Variants in KITLG observed in about 807,000 individuals in gnomAD.
The protein encoded by KITLG is KIT ligand, also known as c-Kit ligand.
In KITLG, 13 loss-of-function variants were observed where a neutral mutation model predicts 34.1. The observed-to-expected ratio is 0.38, with a 90% CI of 0.25 to 0.61. The LOEUF is 0.61. KITLG is among the 20% of genes least tolerant of loss of function. The pLI is 0.60. For synonymous variants in KITLG, 110 were observed against 104.0 expected, an observed-to-expected ratio of 1.06 and a Z score of -0.35; for missense variants, 292 against 318.9, an observed-to-expected ratio of 0.92 and a Z score of 0.64.
At chr12:88,559,226 G>A (rs1871211942) in intron 1 of KITLG, among the ~76,000 whole-genome samples, 1 of 152,160 alleles carries the variant, frequency 6.6e-6, no homozygotes, top group Non-Finnish European at 1.5e-5. Flanking sequence ...CGCCCTTTAA[G>A]TTATCCAGGG....
chr12:88,575,365 C>T (rs1871793349), intron 1 of KITLG, among the ~76,000 whole-genome samples: 1 of 152,102 alleles, frequency 6.6e-6, no homozygotes, highest in Non-Finnish European at 1.5e-5. Flanking sequence ...AGATGACACA[C>T]ATTATGATTT....
chr12:88,556,397 G>A (rs1005852073), intron 1 of KITLG, among the ~76,000 whole-genome samples: 45 of 152,132 alleles, frequency 3.0e-4, no homozygotes, highest in Non-Finnish European at 7.3e-5. Context: ...GACTGGGGGA[G>A]AGAGGGCAAC....
intron 1 of KITLG, among the ~76,000 whole-genome samples, chr12:88,551,426 C>T (rs1445474179): frequency 1.3e-5 from 2 of 152,162 alleles, no homozygotes; most frequent in Admixed American, 1.3e-4. Context: ...ATTTCTTAAA[C>T]AGTGAATTGA....
Position 88,517,184 on chromosome 12 carries a change from T to G in KITLG, c.364-694A>C, listed in dbSNP as rs914271983. Among the ~76,000 whole-genome samples the G allele has an allele frequency of 3.6e-4, 54 of 152,106 alleles. 1 individual carries two copies. The highest frequency in any genetic ancestry group is 4.6e-4 in the Admixed American group (7 of 15,240). ...GAGTTCAATTCAAGAGAAGGTTAAC[T>G]ACAGCTATATGCTTTAAAGTGGATA... On this transcript the variant is annotated intron_variant, in intron 4 of 9. Coordinates refer to ENST00000644744, the MANE Select transcript of KITLG (RefSeq NM_000899.5).
At chr12:88,510,075 C>T (rs927449999) in intron 6 of KITLG, among the ~76,000 whole-genome samples, 8 of 152,180 alleles carry the variant, frequency 5.3e-5, no homozygotes, top group African/African-American at 1.9e-4. Context: ...CTCCTTATTA[C>T]CAAAACTATT....
chr12:88,528,237 A>C (rs1199529725), intron 3 of KITLG, among the ~76,000 whole-genome samples: 1 of 152,188 alleles, frequency 6.6e-6, no homozygotes, highest in Admixed American at 6.5e-5. Context: ...TAATATTTTC[A>C]AATCTCCCTC....
At chr12:88,543,947 C>T (rs1624912) in intron 2 of KITLG, among the ~76,000 whole-genome samples, 2,304 of 152,028 alleles carry the variant, frequency 0.015, 48 homozygotes, top group African/African-American at 0.048. Context: ...TCTGTATGAT[C>T]CTGCTTGGTC....
intron 2 of KITLG, chr12:88,534,901 G>A: frequency 3.7e-6 from 1 of 269,512 alleles, no homozygotes; most frequent in South Asian, 3.4e-5. Context: ...ACCTGTTGCA[G>A]ATGTGAAAGC....
At chr12:88,559,777 C>T (rs1283444280) in intron 1 of KITLG, among the ~76,000 whole-genome samples, 1 of 152,162 alleles carries the variant, frequency 6.6e-6, no homozygotes, top group East Asian at 1.9e-4. Flanking sequence ...TAATACAATT[C>T]TACCAGCTGA....
chr12:88,505,615 G>A (rs1869028279), intron 8 of KITLG, among the ~76,000 whole-genome samples: 1 of 152,170 alleles, frequency 6.6e-6, no homozygotes, highest in African/African-American at 2.4e-5. Flanking sequence ...GTGAAAGAAT[G>A]ACAAGAGCCA....
intron 1 of KITLG, among the ~76,000 whole-genome samples, chr12:88,548,540 C>T (rs935187345): frequency 2.6e-4 from 40 of 151,876 alleles, no homozygotes; most frequent in African/African-American, 9.2e-4. Context: ...CAGAAAGTCA[C>T]TGAACACTCA....
At chr12:88,557,286 T>C (rs1871125585) in intron 1 of KITLG, among the ~76,000 whole-genome samples, 2 of 152,088 alleles carry the variant, frequency 1.3e-5, no homozygotes, top group African/African-American at 2.4e-5. Flanking sequence ...GGCAAGAATA[T>C]AGGGCCTGAG....
chr12:88,561,798 T>C (rs1214899270), intron 1 of KITLG, among the ~76,000 whole-genome samples: 1 of 152,200 alleles, frequency 6.6e-6, no homozygotes, highest in African/African-American at 2.4e-5. Flanking sequence ...ACCTGGAAGG[T>C]AATTCCTGCC....
chr12:88,493,345 T>C lies in KITLG; in HGVS notation c.*3874A>G, dbSNP rs999902885. The stretch of plus-strand genomic sequence containing the variant: ...AGTAAACATTTCAGGATCACAAATA[T>C]CCATTTTAGCATGGATTATTTCTTG... On this transcript the variant is annotated 3_prime_UTR_variant, in exon 10 of 10. Transcript: ENST00000644744. 6.6e-6 allele frequency: 1 copy of C among 152,286 alleles called. No homozygotes were observed. Among genetic ancestry groups the C allele is most frequent in the Non-Finnish European group, 1.5e-5 (1 of 67,854 alleles). The allele number at this position is 152,286 out of a possible 1,614,324, so 9.4% of individuals were successfully genotyped here.
At chr12:88,499,102 C>T (rs768586363) in intron 9 of KITLG, among the ~76,000 whole-genome samples, 5 of 151,974 alleles carry the variant, frequency 3.3e-5, no homozygotes, top group Non-Finnish European at 7.4e-5. Context: ...CCTCATTACA[C>T]ATGAAAAACC....
intron 1 of KITLG, among the ~76,000 whole-genome samples, chr12:88,554,874 G>C (rs532228351): frequency 6.6e-6 from 1 of 152,272 alleles, no homozygotes; most frequent in African/African-American, 2.4e-5. Context: ...AGATTTGTTA[G>C]TTTTTGAAAC....
At chr12:88,568,314 T>C (rs1421132940) in intron 1 of KITLG, among the ~76,000 whole-genome samples, 1 of 63,966 alleles carries the variant, frequency 1.6e-5, no homozygotes, top group African/African-American at 3.3e-5. Flanking sequence ...TATTTATTTA[T>C]TTATTTATTT....
chr12:88,525,964 T>C (rs561129541), intron 3 of KITLG, among the ~76,000 whole-genome samples: 39 of 152,136 alleles, frequency 2.6e-4, no homozygotes, highest in Non-Finnish European at 5.1e-4. Flanking sequence ...CCCCAAGATA[T>C]TGCATGATTC....
intron 2 of KITLG, among the ~76,000 whole-genome samples, chr12:88,542,290 C>A (rs1328681165): frequency 2.0e-5 from 3 of 152,114 alleles, no homozygotes; most frequent in Non-Finnish European, 4.4e-5. Context: ...CATATGAAGG[C>A]AGCACAATTC....
Sources: allele counts gnomAD v4.1 joint callset (sites outside exome capture counted in the v4.1 genomes callset), GRCh38; gene constraint gnomAD v4.1.1; transcripts MANE v1.5; gene names NCBI Gene and HGNC (gene_info 2026-07-23, HGNC 2026-07-21).